Variants in KIAA1217 observed in about 807,000 individuals in gnomAD.
KIAA1217 encodes KIAA1217, also known as sickle tail protein homolog.
KIAA1217 carries 88 observed loss-of-function variants against 163.9 expected under a neutral mutation model. The observed-to-expected ratio is 0.54, with a 90% CI of 0.45 to 0.64. The LOEUF is 0.64. Among genes scored for constraint, KIAA1217 ranks in the 30% least tolerant of loss-of-function variants. The pLI is 0.00. For synonymous variants in KIAA1217, 903 were observed against 923.1 expected (o/e 0.98, Z 0.39); for missense variants, 2,372 against 2,475.0 (o/e 0.96, Z 0.88).
intron 2 of KIAA1217, among the ~76,000 whole-genome samples, chr10:24,369,218 T>TGTGTGTGTGTGTGTG (rs1564553011): frequency 6.6e-6 from 1 of 151,506 alleles, no homozygotes; most frequent in Non-Finnish European, 1.5e-5. Flanking sequence ...TGTGTGTGTG[T>TGTGTGTGTGTGTGTG]TTTCATTTGA....
chr10:24,067,695 C>T (rs960371065), intron 2 of KIAA1217, among the ~76,000 whole-genome samples: 1 of 152,242 alleles, frequency 6.6e-6, no homozygotes, highest in Non-Finnish European at 1.5e-5. Context: ...TTTAAGTCTG[C>T]AGAGGTTATT....
intron 17 of KIAA1217, among the ~76,000 whole-genome samples, chr10:24,541,289 C>T (rs1001806459): frequency 9.9e-5 from 15 of 151,760 alleles, no homozygotes; most frequent in Non-Finnish European, 1.5e-4. Flanking sequence ...CATGTGGCTC[C>T]GCTGCAGCAG....
At chr10:24,114,964 C>A (rs1391712580) in intron 2 of KIAA1217, among the ~76,000 whole-genome samples, 1 of 152,220 alleles carries the variant, frequency 6.6e-6, no homozygotes, top group Non-Finnish European at 1.5e-5. Flanking sequence ...CACTGCTCAA[C>A]TGGTTCCTTC....
intron 2 of KIAA1217, among the ~76,000 whole-genome samples, chr10:24,262,533 A>G (rs2075825152): frequency 6.6e-6 from 1 of 152,000 alleles, no homozygotes. Flanking sequence ...AGGCTGAAGC[A>G]GGAGAATGGC....
intron 14 of KIAA1217, among the ~76,000 whole-genome samples, chr10:24,528,871 T>A (rs2072656317): frequency 6.6e-6 from 1 of 152,186 alleles, no homozygotes; most frequent in South Asian, 2.1e-4. Context: ...AATTGCATTT[T>A]TTAATCAAAA....
intron 2 of KIAA1217, among the ~76,000 whole-genome samples, chr10:24,182,618 G>T (rs1296618873): frequency 6.6e-6 from 1 of 152,054 alleles, no homozygotes; most frequent in Non-Finnish European, 1.5e-5. Context: ...CTAAGGGTAG[G>T]GGCATATGTT....
intron 1 of KIAA1217, among the ~76,000 whole-genome samples, chr10:23,964,742 A>G (rs1405789371): frequency 6.6e-6 from 1 of 151,818 alleles, no homozygotes; most frequent in African/African-American, 2.4e-5. Flanking sequence ...TTTTTAGTAG[A>G]GACGGGGTTT....
At chr10:24,128,810 G>A (rs1288343738) in intron 2 of KIAA1217, among the ~76,000 whole-genome samples, 1 of 152,128 alleles carries the variant, frequency 6.6e-6, no homozygotes, top group Non-Finnish European at 1.5e-5. Context: ...AAATAAGAAT[G>A]AATAGTTTCA....
chr10:24,205,470 C>A (rs1264975670), upstream of KIAA1217, among the ~76,000 whole-genome samples: 1 of 147,090 alleles, frequency 6.8e-6, no homozygotes, highest in African/African-American at 2.5e-5. Context: ...AGCAAAACTC[C>A]GTCTCAAAAA....
intron 1 of KIAA1217, among the ~76,000 whole-genome samples, chr10:23,964,091 A>G (rs1001047916): frequency 2.0e-5 from 3 of 151,488 alleles, no homozygotes; most frequent in African/African-American, 7.3e-5. Context: ...TTTAATAGAG[A>G]CGGGGTTTCA....
At chr10:24,145,117 T>C (rs1261098772) in intron 2 of KIAA1217, among the ~76,000 whole-genome samples, 1 of 152,262 alleles carries the variant, frequency 6.6e-6, no homozygotes, top group Admixed American at 6.5e-5. Flanking sequence ...GAGAGAAGAA[T>C]GCAAACAAAG....
intron 2 of KIAA1217, among the ~76,000 whole-genome samples, chr10:24,131,554 G>A (rs951967900): frequency 6.6e-6 from 1 of 152,138 alleles, no homozygotes; most frequent in Non-Finnish European, 1.5e-5. Flanking sequence ...AAAGAGACAA[G>A]TCTGTAAGTT....
At chr10:23,969,375 T>C (rs1845209567) in intron 1 of KIAA1217, among the ~76,000 whole-genome samples, 1 of 152,188 alleles carries the variant, frequency 6.6e-6, no homozygotes, top group South Asian at 2.1e-4. Context: ...GGCCAAACTG[T>C]TTTTCAAATT....
intron 1 of KIAA1217, among the ~76,000 whole-genome samples, chr10:23,875,590 A>G (rs1230207886): frequency 6.6e-6 from 1 of 152,032 alleles, no homozygotes; most frequent in Non-Finnish European, 1.5e-5. Flanking sequence ...CAGCAATCCC[A>G]TTACTGGGGA....
intron 3 of KIAA1217, among the ~76,000 whole-genome samples, chr10:24,382,691 T>G (rs2053464954): frequency 6.6e-6 from 1 of 151,982 alleles, no homozygotes; most frequent in Admixed American, 6.5e-5. Context: ...CCCATTAACA[T>G]GATCTTACAA....
At chr10:23,868,044 G>T (rs1840279164) in intron 1 of KIAA1217, among the ~76,000 whole-genome samples, 1 of 152,090 alleles carries the variant, frequency 6.6e-6, no homozygotes, top group South Asian at 2.1e-4. Context: ...GTAAGGAAGG[G>T]ATCCAGTTTC....
At chr10:23,924,829 T>A (rs1389051458) in intron 1 of KIAA1217, among the ~76,000 whole-genome samples, 3 of 152,152 alleles carry the variant, frequency 2.0e-5, no homozygotes, top group Non-Finnish European at 4.4e-5. Flanking sequence ...AGGAAGACAT[T>A]ACTGAAATTT....
chr10:24,149,123 A>G (rs181049619), intron 2 of KIAA1217, among the ~76,000 whole-genome samples: 1 of 152,310 alleles, frequency 6.6e-6, no homozygotes, highest in East Asian at 1.9e-4. Flanking sequence ...TAGAACTGAC[A>G]GTTTATAGAA....
In KIAA1217 at chr10:23,906,103, A is replaced by G. The variant is rs531277665; in HGVS notation, c.-320-101122A>G. Among the ~76,000 whole-genome samples the G allele has an allele frequency of 1.4e-4, 21 of 152,212 alleles. 1 individual carries two copies. The South Asian group carries it at 2.7e-3, about 20-fold the overall frequency. ...CCAGCTAATTCTCTCCAGCCCCTTAATAAAAGATTAATCATATCCATGAGG... is the reference window on the plus strand; with the variant it reads ...CCAGCTAATTCTCTCCAGCCCCTTAGTAAAAGATTAATCATATCCATGAGG... On this transcript the variant is annotated intron_variant, in intron 1 of 18. Transcript: ENST00000376462.
Sources: gnomAD v4.1 joint callset for allele counts (sites outside exome capture counted in the v4.1 genomes callset) on GRCh38, gnomAD v4.1.1 for gene constraint, MANE v1.5 for transcripts, NCBI Gene and HGNC (gene_info 2026-07-23, HGNC 2026-07-21) for gene names.